SAMD12: variants seen among roughly 807,000 people sequenced by gnomAD.
SAMD12 encodes sterile alpha motif domain-containing protein 12.
A neutral mutation model predicts 15.0 loss-of-function variants in SAMD12; 9 were observed. That is an observed-to-expected ratio of 0.60 (90% CI 0.36 to 1.05). The LOEUF is 1.05. SAMD12 is among the 50% of genes least tolerant of loss of function. SAMD12 has a pLI of 0.01. For missense variants in SAMD12, 230 were observed against 234.2 expected, an observed-to-expected ratio of 0.98 and a Z score of 0.12; for synonymous variants, 86 against 90.1, an observed-to-expected ratio of 0.96 and a Z score of 0.25.
At chr8:118,535,183 G>A (rs1431336459) in intron 2 of SAMD12, among the ~76,000 whole-genome samples, 3 of 152,012 alleles carry the variant, frequency 2.0e-5, no homozygotes, top group African/African-American at 4.8e-5. Context: ...ACCCTCAGCC[G>A]CAGGTTTGTT....
At chr8:118,459,493 T>C (rs568121306) in intron 2 of SAMD12, among the ~76,000 whole-genome samples, 1 of 152,282 alleles carries the variant, frequency 6.6e-6, no homozygotes, top group African/African-American at 2.4e-5. Context: ...AAAAAACTAC[T>C]TCCAAGTGAA....
intron 1 of SAMD12, among the ~76,000 whole-genome samples, chr8:118,599,496 G>A (rs189764126): frequency 4.6e-4 from 70 of 152,248 alleles, no homozygotes; most frequent in East Asian, 4.5e-3. Flanking sequence ...GGTGCGGAGC[G>A]CTGCTGGTAC....
chr8:118,303,166 T>C (rs1185676101), intron 4 of SAMD12, among the ~76,000 whole-genome samples: 1 of 152,236 alleles, frequency 6.6e-6, no homozygotes, highest in East Asian at 1.9e-4. Flanking sequence ...AAGAGAAGGA[T>C]ATGTGTGCAT....
chr8:118,346,244 A>C (rs555439166), intron 4 of SAMD12, among the ~76,000 whole-genome samples: 1 of 152,342 alleles, frequency 6.6e-6, no homozygotes, highest in East Asian at 1.9e-4. Context: ...GATTTATACA[A>C]ATAATTTTAA....
At chr8:118,549,257 C>G (rs1214410747) in intron 2 of SAMD12, among the ~76,000 whole-genome samples, 1 of 151,902 alleles carries the variant, frequency 6.6e-6, no homozygotes, top group African/African-American at 2.4e-5. Context: ...GACCCCCGAG[C>G]AGCCTAACTG....
chr8:118,596,842 T>C (rs1827735784), intron 1 of SAMD12, among the ~76,000 whole-genome samples: 1 of 152,144 alleles, frequency 6.6e-6, no homozygotes, highest in South Asian at 2.1e-4. Flanking sequence ...AAGACAGATA[T>C]CACACAAATA....
At chr8:118,455,289 C>G (rs1173163707) in intron 2 of SAMD12, among the ~76,000 whole-genome samples, 3 of 151,786 alleles carry the variant, frequency 2.0e-5, no homozygotes, top group Admixed American at 6.6e-5. Flanking sequence ...CTCTCTCTCT[C>G]TCTACTGTTT....
chr8:118,529,757 A>ATATG (rs2131114389), intron 2 of SAMD12, among the ~76,000 whole-genome samples: 1 of 152,168 alleles, frequency 6.6e-6, no homozygotes, highest in African/African-American at 2.4e-5. Context: ...GTATTCCATG[A>ATATG]TATGTATGTA....
the SAMD12 span, among the ~76,000 whole-genome samples, chr8:118,148,714 C>T: frequency 1.3e-5 from 2 of 152,168 alleles, no homozygotes; most frequent in African/African-American, 2.4e-5. Flanking sequence ...CAGTCACAGA[C>T]AATCCTAATA....
At chr8:118,567,711 T>A (rs973328430) in intron 2 of SAMD12, among the ~76,000 whole-genome samples, 4 of 152,240 alleles carry the variant, frequency 2.6e-5, no homozygotes, top group Admixed American at 6.5e-5. Context: ...CCTGAGCTTA[T>A]GTGCAATTAA....
the SAMD12 span, among the ~76,000 whole-genome samples, chr8:118,155,821 C>T: frequency 2.4e-4 from 36 of 152,282 alleles, no homozygotes; most frequent in South Asian, 6.2e-3. Context: ...TCCATGCACA[C>T]GGAGTTGAAT....
At chr8:118,432,621 G>C (rs752201050) in intron 3 of SAMD12, among the ~76,000 whole-genome samples, 1 of 152,094 alleles carries the variant, frequency 6.6e-6, no homozygotes, top group Non-Finnish European at 1.5e-5. Context: ...CCTTATCCTA[G>C]GAACTAGAGA....
intron 4 of SAMD12, among the ~76,000 whole-genome samples, chr8:118,353,711 C>T (rs1250758049): frequency 6.6e-6 from 1 of 151,996 alleles, no homozygotes; most frequent in Non-Finnish European, 1.5e-5. Flanking sequence ...TTTCCATTTC[C>T]TTTCCCCACC....
At chr8:118,499,902 T>C (rs897692348) in intron 2 of SAMD12, among the ~76,000 whole-genome samples, 8 of 152,082 alleles carry the variant, frequency 5.3e-5, no homozygotes, top group African/African-American at 4.8e-5. Flanking sequence ...GTCCTTAATA[T>C]GGCTTCATGG....
At chr8:118,336,278 C>T (rs192142857) in intron 4 of SAMD12, among the ~76,000 whole-genome samples, 24 of 152,254 alleles carry the variant, frequency 1.6e-4, no homozygotes, top group Admixed American at 1.2e-3. Flanking sequence ...ATCATTTTCT[C>T]GAAAGCTTAG....
At chr8:118,413,714 C>G (rs1184739674) in intron 3 of SAMD12, among the ~76,000 whole-genome samples, 1 of 152,124 alleles carries the variant, frequency 6.6e-6, no homozygotes, top group African/African-American at 2.4e-5. Context: ...ATCCCAGGCT[C>G]TATGGCATGT....
intron 1 of SAMD12, among the ~76,000 whole-genome samples, chr8:118,594,264 T>C (rs939202955): frequency 1.4e-4 from 21 of 151,954 alleles, no homozygotes; most frequent in African/African-American, 4.8e-4. Context: ...AAGCTTTCCA[T>C]TGGCCAAATG....
chr8:118,470,750 T>G (rs1219151626), intron 2 of SAMD12, among the ~76,000 whole-genome samples: 2 of 152,202 alleles, frequency 1.3e-5, no homozygotes, highest in Non-Finnish European at 2.9e-5. Flanking sequence ...GGGAAGTGAA[T>G]GAACATATTA....
At chr8:118,316,259 G>A (rs1815894165) in intron 4 of SAMD12, among the ~76,000 whole-genome samples, 1 of 151,608 alleles carries the variant, frequency 6.6e-6, no homozygotes, top group Non-Finnish European at 1.5e-5. Context: ...GATTGGCCAG[G>A]TGCGGTGGCT....
Sources: gnomAD v4.1 joint callset for allele counts (sites outside exome capture counted in the v4.1 genomes callset) on GRCh38, gnomAD v4.1.1 for gene constraint, MANE v1.5 for transcripts, NCBI Gene and HGNC (gene_info 2026-07-23, HGNC 2026-07-21) for gene names.